Variants in NOP14 observed in about 807,000 individuals in gnomAD.
NOP14 encodes nucleolar protein 14.
In NOP14, 57 loss-of-function variants were observed where a neutral mutation model predicts 101.6. The observed-to-expected ratio is 0.56, with a 90% CI of 0.45 to 0.70. NOP14 has a LOEUF of 0.70. Among genes scored for constraint, NOP14 ranks in the 30% least tolerant of loss-of-function variants. The pLI, the probability that NOP14 is intolerant of heterozygous loss-of-function variation, is 0.00. For synonymous variants in NOP14, 428 were observed against 424.0 expected (o/e 1.01, Z -0.12); for missense variants, 1,134 against 1,075.5 (o/e 1.05, Z -0.76).
chr4:2,942,401 C>G, intron 13 of NOP14, 50 bp from the exon 14 acceptor site: 2 of 1,572,172 alleles, frequency 1.3e-6, no homozygotes, highest in Non-Finnish European at 1.7e-6. Flanking sequence ...TTACTGGGCT[C>G]CCAGCAGGCT....
At chr4:2,951,322 G>T in intron 6 of NOP14, 77 bp from the exon 7 acceptor site, 6 of 1,400,962 alleles carry the variant, frequency 4.3e-6, no homozygotes, top group Non-Finnish European at 5.9e-6. Context: ...TCCTGCCCTG[G>T]GCAGCGGGCT....
intron 13 of NOP14, among the ~76,000 whole-genome samples, chr4:2,942,676 C>G (rs570311329): frequency 6.6e-6 from 1 of 152,292 alleles, no homozygotes; most frequent in African/African-American, 2.4e-5. Flanking sequence ...GAAGTCCCTG[C>G]CCCTGTCGGG....
intron 3 of NOP14, 142 bp from the exon 4 acceptor site, chr4:2,954,705 T>C: frequency 9.9e-7 from 1 of 1,014,478 alleles, no homozygotes; most frequent in Non-Finnish European, 1.4e-6. Context: ...CGCAACAGCC[T>C]GGCCTGAGAC....
Position 2,938,155 on chromosome 4 carries a change from C to T in NOP14, c.*676G>A, listed in dbSNP as rs772527379. 12 of 1,275,852 alleles carry T rather than the reference C, an allele frequency of 9.4e-6. No individual in the cohort carries two copies. In the East Asian group the frequency reaches 3.9e-4, roughly 42 times the overall value. 79.0% of individuals were successfully genotyped at this position (1,275,852 alleles called of 1,614,324 possible). A position where few individuals can be genotyped will look rare whatever the true frequency, so the allele number is the denominator to read the frequency against. ...TCTATTTCATCAGGTGACGTTTTAA[C>T]AGAAACAAAACCGCAGGCAGCGGGT... On this transcript the variant is annotated 3_prime_UTR_variant, in exon 18 of 18. Transcript: ENST00000416614.
chr4:2,938,166 C>A lies in NOP14; in HGVS notation c.*665G>T. 2 of 1,282,686 alleles carry A rather than the reference C, an allele frequency of 1.6e-6. No homozygotes were observed. Among genetic ancestry groups the A allele is most frequent in the South Asian group, 1.2e-5 (1 of 80,120 alleles). 79.5% of individuals were successfully genotyped at this position (1,282,686 alleles called of 1,614,324 possible). A position where few individuals can be genotyped will look rare whatever the true frequency, so the allele number is the denominator to read the frequency against. ...AGGTGACGTTTTAACAGAAACAAAACCGCAGGCAGCGGGTGGGGGGAGCTG... is the reference window on the plus strand; with the variant it reads ...AGGTGACGTTTTAACAGAAACAAAAACGCAGGCAGCGGGTGGGGGGAGCTG... On this transcript the variant is annotated 3_prime_UTR_variant, in exon 18 of 18. Transcript: ENST00000416614.
intron 7 of NOP14, 28 bp downstream of exon 7, chr4:2,951,086 A>G (rs761029866): frequency 5.8e-6 from 9 of 1,564,120 alleles, no homozygotes; most frequent in Non-Finnish European, 7.8e-6. Context: ...AAAGAGAGAG[A>G]AAGAGAAAAT....
intron 16 of NOP14, 22 bp downstream of exon 16, chr4:2,939,505 G>A (rs1172443940): frequency 2.5e-6 from 4 of 1,608,972 alleles, no homozygotes; most frequent in Non-Finnish European, 3.4e-6. Flanking sequence ...TGGCCTCCCA[G>A]GGAGATGCTG....
chr4:2,959,417 C>T (rs1314643650), intron 1 of NOP14, among the ~76,000 whole-genome samples: 6 of 152,134 alleles, frequency 3.9e-5, no homozygotes, highest in South Asian at 4.2e-4. Context: ...ATGGTGAAAC[C>T]CCGTCTCTAC....
intron 13 of NOP14, 69 bp downstream of exon 13, chr4:2,944,004 G>A: frequency 7.9e-7 from 1 of 1,268,140 alleles, no homozygotes; most frequent in East Asian, 2.3e-5. Context: ...TTTCTACAAT[G>A]AGTATGAACT....
Position 2,954,546 on chromosome 4 carries a change from G to C in NOP14, c.490C>G (p.His164Asp). ...GTLSAELTAA[H>D]FGGGGGLLHK... Reference sequence around the variant, plus strand: ...AGGAGCCCACCGCCTCCTCCAAAGTGGGCAGCAGTCAGCTCAGCTGGGGGC... The same window carrying C: ...AGGAGCCCACCGCCTCCTCCAAAGTCGGCAGCAGTCAGCTCAGCTGGGGGC... The change falls in exon 4 of 18, where the codon CAC becomes GAC. Residue 164 changes from histidine (H) to aspartate (D), a missense_variant. Physicochemically the swap from His to Asp is moderately conservative, Grantham distance 81 (BLOSUM62 -1). Transcript: ENST00000416614. 1 of 1,614,016 alleles carries C rather than the reference G, an allele frequency of 6.2e-7. No homozygotes were observed. The highest frequency in any genetic ancestry group is 8.5e-7 in the Non-Finnish European group (1 of 1,179,988).
rs952626501 is a variant in NOP14, at chr4:2,948,481, G to A, written c.1283-73C>T. 3 of 1,200,276 alleles carry A rather than the reference G, an allele frequency of 2.5e-6. No homozygotes were observed. The African/African-American group carries it at 4.9e-5, about 20-fold the overall frequency. The allele number at this position is 1,200,276 out of a possible 1,614,324, so 74.4% of individuals were successfully genotyped here. A position where few individuals can be genotyped will look rare whatever the true frequency, so the allele number is the denominator to read the frequency against. ...TATATATATTTATTTTTGAGATGGA[G>A]TCTCGCTCTGTTGCCCAGGCTGGAG... is the stretch of plus-strand genomic sequence containing the variant. On this transcript the variant is annotated intron_variant, in intron 8 of 17. Coordinates refer to ENST00000416614, the MANE Select transcript of NOP14 (RefSeq NM_001291978.2).
rs531979302 is a variant in NOP14 at position 2,959,363 on chromosome 4, C to T, written c.196-1623G>A. 1.8e-4 allele frequency among the ~76,000 whole-genome samples: 28 copies of T among 152,234 alleles called. No homozygotes were observed. In the South Asian group the frequency reaches 2.1e-3, roughly 11 times the overall value. ...ATTCCAGCACTCTGGGAGGCCAAGG[C>T]GGGCGGATCACGAGGTTAGAAGATC... On this transcript the variant is annotated intron_variant, in intron 1 of 17. Coordinates refer to ENST00000416614, the MANE Select transcript of NOP14 (RefSeq NM_001291978.2).
chr4:2,942,398 G>C (rs750188434), intron 13 of NOP14, 47 bp from the exon 14 acceptor site: 1 of 1,577,530 alleles, frequency 6.3e-7, no homozygotes, highest in Non-Finnish European at 8.7e-7. Flanking sequence ...ACATTACTGG[G>C]CTCCCAGCAG....
At chr4:2,945,813 A>T (rs1367763005) in intron 11 of NOP14, among the ~76,000 whole-genome samples, 1 of 152,174 alleles carries the variant, frequency 6.6e-6, no homozygotes, top group Non-Finnish European at 1.5e-5. Context: ...CAAATACAGC[A>T]CCATTCACGT....
In NOP14 at chr4:2,952,867, C is replaced by G. The variant is rs1348580603; in HGVS notation, c.748-470G>C. The stretch of plus-strand genomic sequence containing the variant: ...CTGAGGCAAGAGAATCACTTGAACC[C>G]AGGAGGTGGAGGTTGCAGTGAGGTG... On this transcript the variant is annotated intron_variant, in intron 5 of 17. Transcript: ENST00000416614. 2.0e-5 allele frequency among the ~76,000 whole-genome samples: 3 copies of G among 152,358 alleles called. No homozygotes were observed. The South Asian group carries it at 6.2e-4, about 32-fold the overall frequency.
chr4:2,961,453 C>G (rs1432266912), intron 1 of NOP14: 1 of 152,182 alleles, frequency 6.6e-6, no homozygotes, highest in African/African-American at 2.4e-5. Flanking sequence ...AGTGCTACAA[C>G]TGACCAGAGG....
Position 2,951,197 on chromosome 4 carries a change from T to C in NOP14, c.919A>G (p.Lys307Glu). Residue 307 changes from lysine to glutamate, a missense_variant, in exon 7 of 18, where the codon AAG becomes GAG. By Grantham distance (56) the Lys-to-Glu change is moderately conservative (BLOSUM62 1). Coordinates refer to ENST00000416614, the MANE Select transcript of NOP14 (RefSeq NM_001291978.2). ...MLGKDEDENV[K>E]KPKHMSADDL... ...TCTGCTGACATATGTTTTGGTTTCT[T>C]AACATTTTCATCCTCATCCTTTCCA... The C allele has an allele frequency of 6.2e-7, 1 of 1,613,912 alleles. No homozygotes were observed. Among genetic ancestry groups the C allele is most frequent in the Non-Finnish European group, 8.5e-7 (1 of 1,179,778 alleles).
chr4:2,945,615 C>T (rs1254032247), intron 11 of NOP14, among the ~76,000 whole-genome samples: 1 of 152,210 alleles, frequency 6.6e-6, no homozygotes, highest in Non-Finnish European at 1.5e-5. Flanking sequence ...CAAGTATTTC[C>T]TTAAAGTTAC....
intron 11 of NOP14, 125 bp downstream of exon 11, chr4:2,946,287 A>ACTCTCACTCCAGATCACCCTC: frequency 8.9e-7 from 1 of 1,118,622 alleles, no homozygotes; most frequent in Non-Finnish European, 1.3e-6. Context: ...GCTGCCGTGC[A>ACTCTCACTCCAGATCACCCTC]GCTCACTCCA....
Sources: allele counts gnomAD v4.1 joint callset (sites outside exome capture counted in the v4.1 genomes callset), GRCh38; gene constraint gnomAD v4.1.1; transcripts MANE v1.5; gene names NCBI Gene and HGNC (gene_info 2026-07-23, HGNC 2026-07-21).